Variants in MPRIP observed in about 807,000 individuals in gnomAD.
The protein encoded by MPRIP is myosin phosphatase Rho interacting protein, also known as myosin phosphatase Rho-interacting protein.
A neutral mutation model predicts 234.9 loss-of-function variants in MPRIP; 59 were observed. The ratio of observed to expected loss-of-function variants is 0.25; its 90% confidence interval spans 0.20 to 0.31. MPRIP has a LOEUF of 0.31. MPRIP is among the 10% of genes least tolerant of loss of function. The probability of loss-of-function intolerance (pLI) is 1.00; values close to 1 mark genes in which losing one functional copy is unlikely to be tolerated. For missense variants in MPRIP, 2,436 were observed against 3,071.0 expected (o/e 0.79, Z 4.89); for synonymous variants, 1,144 against 1,263.9 (o/e 0.91, Z 2.01).
chr17:17,116,650 A>G (rs549141699), intron 3 of MPRIP, among the ~76,000 whole-genome samples: 1 of 152,318 alleles, frequency 6.6e-6, no homozygotes, highest in African/African-American at 2.4e-5. Context: ...CCAGAATCAC[A>G]GGTCTGAGGC....
intron 12 of MPRIP, 83 bp from the exon 13 acceptor site, chr17:17,154,223 A>C: frequency 8.5e-7 from 1 of 1,178,370 alleles, no homozygotes; most frequent in Non-Finnish European, 1.3e-6. Flanking sequence ...GACTTTACCC[A>C]GTGCAGGGAG....
chr17:17,164,276 C>T lies in MPRIP; in HGVS notation c.2685C>T (p.His895=), dbSNP rs1486683576. 10 of 1,304,248 alleles carry T rather than the reference C, an allele frequency of 7.7e-6. No individual in the cohort carries two copies. In the East Asian group the frequency reaches 2.2e-4, roughly 29 times the overall value. The allele number at this position is 1,304,248 out of a possible 1,614,324, so 80.8% of individuals were successfully genotyped here. A position where few individuals can be genotyped will look rare whatever the true frequency, so the allele number is the denominator to read the frequency against. The part of the protein sequence containing the change: ...YGEAKDTIRH[H]EAEIRSLQAR... ...AGGCCAAGGACACGATCCGGCACCA[C>T]GAGGCTGAGATCCGGAGCCTTCAGG... The change falls in exon 16 of 24, where the codon CAC becomes CAT. Residue 895 remains histidine, a synonymous_variant. Transcript: ENST00000651222.
At chr17:17,108,097 C>T (rs2090097770) in intron 3 of MPRIP, among the ~76,000 whole-genome samples, 1 of 152,224 alleles carries the variant, frequency 6.6e-6, no homozygotes, top group South Asian at 2.1e-4. Context: ...GGCCCTCCCT[C>T]CTGCCTTGTC....
chr17:17,063,630 C>T (rs1166044591), intron 1 of MPRIP, among the ~76,000 whole-genome samples: 1 of 152,178 alleles, frequency 6.6e-6, no homozygotes, highest in Non-Finnish European at 1.5e-5. Flanking sequence ...ATATGTCTGA[C>T]TACCTTTCTC....
intron 1 of MPRIP, among the ~76,000 whole-genome samples, chr17:17,071,211 T>C (rs944407561): frequency 1.3e-5 from 2 of 152,190 alleles, no homozygotes; most frequent in Non-Finnish European, 2.9e-5. Context: ...GGGTGCTGCC[T>C]TTCCTGTGAC....
chr17:17,077,906 T>G, intron 2 of MPRIP, 105 bp from the exon 3 acceptor site: 11 of 1,082,338 alleles, frequency 1.0e-5, no homozygotes, highest in South Asian at 1.3e-5. Flanking sequence ...ATCTGTGGAG[T>G]GACCTTCCTT....
At chr17:17,175,060 C>T (rs1321711886) in intron 19 of MPRIP, among the ~76,000 whole-genome samples, 1 of 152,222 alleles carries the variant, frequency 6.6e-6, no homozygotes, top group Non-Finnish European at 1.5e-5. Flanking sequence ...ACTGGGTCCA[C>T]TCACTGCTGC....
chr17:17,178,940 C>A (rs2046315274), intron 22 of MPRIP, among the ~76,000 whole-genome samples: 1 of 151,256 alleles, frequency 6.6e-6, no homozygotes, highest in Admixed American at 6.6e-5. Context: ...AAAAAAAAAA[C>A]CTGTGCTGAC....
intron 3 of MPRIP, among the ~76,000 whole-genome samples, chr17:17,085,632 G>A (rs1450678558): frequency 2.0e-5 from 3 of 152,286 alleles, no homozygotes; most frequent in Admixed American, 6.5e-5. Context: ...ACACACTGAC[G>A]GCTGGGTGTG....
chr17:17,080,572 C>G (rs2089439138), intron 3 of MPRIP, among the ~76,000 whole-genome samples: 1 of 152,086 alleles, frequency 6.6e-6, no homozygotes, highest in Admixed American at 6.5e-5. Flanking sequence ...TGGAGTCATC[C>G]TTGATTGTCA....
At position 17,174,083 on chromosome 17, in the gene MPRIP, T is replaced by A; in HGVS notation, c.6750+8T>A. On this transcript the variant is annotated splice_region_variant and intron_variant, in intron 19 of 23. Transcript: ENST00000651222. ...CTCAATGCCCACAACCAGGTGAGCC[T>A]GCAGCCAGGTGAGCCCAAGGTTAGT... 3.7e-6 allele frequency: 6 copies of A among 1,612,434 alleles called. No homozygotes were observed. The highest frequency in any genetic ancestry group is 4.2e-6 in the Non-Finnish European group (5 of 1,179,392).
intron 1 of MPRIP, among the ~76,000 whole-genome samples, chr17:17,045,083 C>G (rs1006278434): frequency 5.3e-5 from 8 of 152,170 alleles, no homozygotes; most frequent in Admixed American, 2.0e-4. Context: ...CTCAACCAAT[C>G]GGTTCCCATC....
Position 17,180,098 on chromosome 17 carries a change from G to C in MPRIP, c.7206+10G>C, listed in dbSNP as rs1288454215. On this transcript the variant is annotated intron_variant, in intron 23 of 23. Coordinates refer to ENST00000651222, the MANE Select transcript of MPRIP (RefSeq NM_001364716.4). The stretch of plus-strand genomic sequence containing the variant: ...AAACATCAGGTCCAAGGTGAGTCTG[G>C]GGTCCAGCCCCCTGGTGGGAGGGGC... 1 of 1,574,322 alleles carries C rather than the reference G, an allele frequency of 6.4e-7. No homozygotes were observed. Among genetic ancestry groups the C allele is most frequent in the East Asian group, 2.3e-5 (1 of 43,938 alleles).
At chr17:17,176,405 C>T in intron 20 of MPRIP, 21 bp from the exon 21 acceptor site, 1 of 1,595,462 alleles carries the variant, frequency 6.3e-7, no homozygotes, top group Non-Finnish European at 8.6e-7. Flanking sequence ...ATATTGGTCC[C>T]TGATCTCTCT....
chr17:17,113,045 T>C (rs1240346685), intron 3 of MPRIP, among the ~76,000 whole-genome samples: 1 of 152,198 alleles, frequency 6.6e-6, no homozygotes, highest in African/African-American at 2.4e-5. Flanking sequence ...AGCTGTCCAC[T>C]TGGGGACTCC....
intron 3 of MPRIP, among the ~76,000 whole-genome samples, chr17:17,108,237 T>C (rs921783461): frequency 1.3e-5 from 2 of 152,228 alleles, no homozygotes; most frequent in Admixed American, 6.5e-5. Flanking sequence ...GCAGGCTCTT[T>C]ACAGCTGCAT....
chr17:17,081,261 G>A (rs1204781977), intron 3 of MPRIP, among the ~76,000 whole-genome samples: 1 of 152,186 alleles, frequency 6.6e-6, no homozygotes, highest in East Asian at 1.9e-4. Flanking sequence ...TGTTGGGCCC[G>A]TGATAATTCT....
At chr17:17,115,779 C>T (rs903900177) in intron 3 of MPRIP, among the ~76,000 whole-genome samples, 8 of 151,744 alleles carry the variant, frequency 5.3e-5, no homozygotes, top group African/African-American at 1.4e-4. Flanking sequence ...TTACCATCTG[C>T]TGGTTGCAGC....
intron 1 of MPRIP, among the ~76,000 whole-genome samples, chr17:17,066,723 C>CTTTTTTTTTTTTTTTTTTTTTTT (rs34804730): frequency 8.2e-5 from 3 of 36,688 alleles, no homozygotes; most frequent in Non-Finnish European, 1.2e-4. Context: ...CTTTTTTCAT[C>CTTTTTTTTTTTTTTTTTTTTTTT]TTTTTTTTTT....
Sources: gnomAD v4.1 joint callset for allele counts (sites outside exome capture counted in the v4.1 genomes callset) on GRCh38, gnomAD v4.1.1 for gene constraint, MANE v1.5 for transcripts, NCBI Gene and HGNC (gene_info 2026-07-23, HGNC 2026-07-21) for gene names.